Variants in VPS4B observed in about 807,000 individuals in gnomAD.
VPS4B encodes the protein vacuolar protein sorting 4 homolog B.
A neutral mutation model predicts 56.1 loss-of-function variants in VPS4B; 23 were observed. The observed-to-expected ratio is 0.41, with a 90% CI of 0.30 to 0.58. The LOEUF is 0.58. Among genes scored for constraint, VPS4B ranks in the 20% least tolerant of loss-of-function variants. The pLI, the probability that VPS4B is intolerant of heterozygous loss-of-function variation, is 0.29. For missense variants in VPS4B, 372 were observed against 531.9 expected (o/e 0.70, Z 2.96); for synonymous variants, 177 against 186.0 (o/e 0.95, Z 0.39).
chr18:63,409,186 C>T (rs1356035687), intron 3 of VPS4B, among the ~76,000 whole-genome samples: 2 of 152,174 alleles, frequency 1.3e-5, no homozygotes, highest in East Asian at 3.9e-4. Flanking sequence ...TCCCCGATCA[C>T]ATCTTGAACA....
At chr18:63,404,541 C>T (rs527586650) in intron 4 of VPS4B, 7 of 152,166 alleles carry the variant, frequency 4.6e-5, no homozygotes, top group African/African-American at 1.7e-4. Context: ...GCAGTATATT[C>T]AAAAGCCAAA....
At chr18:63,399,199 T>C (rs1189132423) in intron 8 of VPS4B, 43 bp downstream of exon 8, 1 of 1,490,502 alleles carries the variant, frequency 6.7e-7, no homozygotes, top group Non-Finnish European at 9.3e-7. Context: ...ATCTACTTGT[T>C]ACATCTGCAG....
intron 9 of VPS4B, among the ~76,000 whole-genome samples, chr18:63,395,601 G>GT (rs993042308): frequency 6.6e-6 from 1 of 152,136 alleles, no homozygotes; most frequent in Non-Finnish European, 1.5e-5. Context: ...ATAAATATAC[G>GT]TATGTGACTT....
chr18:63,392,889 G>A (rs938103970), intron 10 of VPS4B, among the ~76,000 whole-genome samples: 1 of 152,034 alleles, frequency 6.6e-6, no homozygotes, highest in Non-Finnish European at 1.5e-5. Context: ...TGGATTGCAG[G>A]TGTGCACCAC....
chr18:63,408,940 G>A (rs909937046), intron 3 of VPS4B, among the ~76,000 whole-genome samples: 21 of 152,098 alleles, frequency 1.4e-4, no homozygotes, highest in African/African-American at 5.1e-4. Context: ...TGCTGTCAAG[G>A]GAGTCTCAGT....
At chr18:63,396,873 CCAGCTACT>C (rs1314542215) in intron 9 of VPS4B, 153 bp downstream of exon 9, 4 of 637,686 alleles carry the variant, frequency 6.3e-6, no homozygotes, top group Non-Finnish European at 8.0e-6. Context: ...GCCTGTAATT[CCAGCTACT>C]CAGGAGGCTA....
Position 63,397,175 on chromosome 18 carries a change from A to G in VPS4B, c.951T>C (p.Thr317=). The part of the protein sequence containing the change: ...AAMFKLHLGT[T]QNSLTEADFR... ...AGTCTGCTTCCGTGAGACTGTTCTG[A>G]GTGGTCCCTAGGTGCAGTTTAAACA... The change falls in exon 9 of 11, where the codon ACT becomes ACC. Residue 317 remains threonine, a synonymous_variant. Transcript: ENST00000238497. The G allele has an allele frequency of 6.2e-7, 1 of 1,614,140 alleles. No individual in the cohort carries two copies.
intron 6 of VPS4B, 150 bp from the exon 7 acceptor site, chr18:63,400,346 T>C (rs1915782798): frequency 2.7e-6 from 3 of 1,117,484 alleles, no homozygotes; most frequent in Admixed American, 3.1e-5. Context: ...GATAATTCAC[T>C]TTATGATTCA....
rs138951263 is a variant in VPS4B at position 63,407,399 on chromosome 18, G to A, written c.364+33C>T. 2,020 of 1,516,572 alleles carry A rather than the reference G, an allele frequency of 1.3e-3. 2 individuals are homozygous for A. The highest frequency in any genetic ancestry group is 1.7e-3 in the Non-Finnish European group (1,862 of 1,104,588). The allele number at this position is 1,516,572 out of a possible 1,614,324, so 93.9% of individuals were successfully genotyped here. On this transcript the variant is annotated intron_variant, in intron 4 of 10. Transcript: ENST00000238497. ...AATTCACTTTGAGTCTTTTTAATAG[G>A]ATAGTAAATTTAAAAATGAAATCTA...
chr18:63,391,786 C>T (rs1287829415), intron 10 of VPS4B, among the ~76,000 whole-genome samples: 1 of 152,142 alleles, frequency 6.6e-6, no homozygotes, highest in African/African-American at 2.4e-5. Context: ...TTAAGTGAAG[C>T]AGAATACCAT....
At chr18:63,400,894 A>C (rs1915793734) in intron 5 of VPS4B, among the ~76,000 whole-genome samples, 191 bp from the exon 6 acceptor site, 1 of 152,230 alleles carries the variant, frequency 6.6e-6, no homozygotes, top group African/African-American at 2.4e-5. Context: ...TCAAAAAGAG[A>C]CTTGCATAAC....
At chr18:63,407,921 C>CT (rs1419296752) in intron 3 of VPS4B, among the ~76,000 whole-genome samples, 2 of 152,138 alleles carry the variant, frequency 1.3e-5, no homozygotes, top group African/African-American at 4.8e-5. Context: ...ATCTGGAACA[C>CT]TAAGGTACAA....
At position 63,393,468 on chromosome 18, in the gene VPS4B, T is replaced by C. The variant is rs146639296; in HGVS notation, c.1174A>G (p.Ile392Val). ...GGGACATCCATCCATGTCATTTCAA[T>C]GGCACCAGGGTCACCTGGAGAGCAA... is the stretch of plus-strand genomic sequence containing the variant. ...TPCSPGDPGA[I>V]EMTWMDVPGD... Residue 392 changes from isoleucine to valine, a missense_variant, in exon 10 of 11, where the codon ATT becomes GTT. Ile to Val is a conservative substitution (Grantham distance 29). Transcript: ENST00000238497. 73 of 1,612,762 alleles carry C rather than the reference T, an allele frequency of 4.5e-5. No individual in the cohort carries two copies. In the African/African-American group the frequency reaches 8.1e-4, roughly 18 times the overall value.
chr18:63,404,585 C>T (rs148768268), intron 4 of VPS4B: 1 of 152,176 alleles, frequency 6.6e-6, no homozygotes, highest in African/African-American at 2.4e-5. Context: ...AGAAGGATGT[C>T]TTTTAATATA....
chr18:63,411,591 G>T lies in VPS4B; in HGVS notation c.28-13C>A. ...GATCTATCGCTTTCTGTTTGAGGGA[G>T]GCAAAATAACAACATTTAAATCAAA... is the stretch of plus-strand genomic sequence containing the variant. On this transcript the variant is annotated splice_polypyrimidine_tract_variant and intron_variant, in intron 1 of 10. Coordinates refer to ENST00000238497, the MANE Select transcript of VPS4B (RefSeq NM_004869.4). 1 of 1,525,128 alleles carries T rather than the reference G, an allele frequency of 6.6e-7. No homozygotes were observed. The highest frequency in any genetic ancestry group is 1.3e-5 in the South Asian group (1 of 76,982). 94.5% of individuals were successfully genotyped at this position (1,525,128 alleles called of 1,614,324 possible).
chr18:63,394,663 T>C (rs113903999), intron 9 of VPS4B, among the ~76,000 whole-genome samples: 4,599 of 152,116 alleles, frequency 0.03, 221 homozygotes, highest in African/African-American at 0.11. Flanking sequence ...GATGGGGTTT[T>C]ATCATGATGG....
At chr18:63,394,826 AGTGTAGAT>A (rs1483806349) in intron 9 of VPS4B, among the ~76,000 whole-genome samples, 1 of 152,144 alleles carries the variant, frequency 6.6e-6, no homozygotes, top group African/African-American at 2.4e-5. Flanking sequence ...TCTCAGTATT[AGTGTAGAT>A]GTGAAGAAAT....
At chr18:63,393,667 C>A in intron 9 of VPS4B, 118 bp from the exon 10 acceptor site, 1 of 1,074,896 alleles carries the variant, frequency 9.3e-7, no homozygotes, top group Non-Finnish European at 1.2e-6. Flanking sequence ...AGAATGTTTA[C>A]TTTTGGAAAA....
chr18:63,393,580 T>C (rs372789258), intron 9 of VPS4B, 31 bp from the exon 10 acceptor site: 5 of 1,527,412 alleles, frequency 3.3e-6, no homozygotes, highest in African/African-American at 2.8e-5. Context: ...AAATATGTAT[T>C]TGAAACAAAA....
Sources: allele counts gnomAD v4.1 joint callset (sites outside exome capture counted in the v4.1 genomes callset), GRCh38; gene constraint gnomAD v4.1.1; transcripts MANE v1.5; gene names NCBI Gene and HGNC (gene_info 2026-07-23, HGNC 2026-07-21).